Variants in MEIS2 observed in about 807,000 individuals in gnomAD.
MEIS2 encodes Meis homeobox 2.
A neutral mutation model predicts 58.6 loss-of-function variants in MEIS2; 9 were observed. That is an observed-to-expected ratio of 0.15 (90% CI 0.09 to 0.27). MEIS2 has a LOEUF of 0.27. MEIS2 is among the 10% of genes least tolerant of loss of function. The probability of loss-of-function intolerance (pLI) is 1.00; values close to 1 mark genes in which losing one functional copy is unlikely to be tolerated. For missense variants in MEIS2, 427 were observed against 635.0 expected (o/e 0.67, Z 3.52); for synonymous variants, 221 against 228.4 (o/e 0.97, Z 0.29).
chr15:36,904,638 C>T (rs1595688295), intron 9 of MEIS2, among the ~76,000 whole-genome samples: 1 of 129,054 alleles, frequency 7.7e-6, no homozygotes, highest in African/African-American at 2.6e-5. Context: ...ACATTTTCTT[C>T]TTTTTTTTTT....
At chr15:36,995,956 G>GATATATATATATATATATATATATATAT (rs539738718) in intron 8 of MEIS2, among the ~76,000 whole-genome samples, 1 of 112,960 alleles carries the variant, frequency 8.9e-6, no homozygotes, top group African/African-American at 3.3e-5. Flanking sequence ...TCTAGTCTGA[G>GATATATATATATATATATATATATATAT]ATATATATAT....
intron 7 of MEIS2, among the ~76,000 whole-genome samples, chr15:37,074,887 A>G (rs917564233): frequency 6.6e-6 from 1 of 152,182 alleles, no homozygotes; most frequent in Non-Finnish European, 1.5e-5. Flanking sequence ...ACAGTAACCC[A>G]TGTAGATGAA....
chr15:36,968,061 C>A (rs1245076520), intron 8 of MEIS2, among the ~76,000 whole-genome samples: 1 of 152,176 alleles, frequency 6.6e-6, no homozygotes, highest in Non-Finnish European at 1.5e-5. Context: ...GGACAGCCAG[C>A]CTCAGAGAAT....
chr15:36,897,564 CAG>C (rs372325878), intron 9 of MEIS2: 1 of 152,152 alleles, frequency 6.6e-6, no homozygotes, highest in African/African-American at 2.4e-5. Context: ...CATGTACAAA[CAG>C]AGTAAGATGA....
chr15:37,096,560 T>C (rs1894281235), intron 2 of MEIS2, 130 bp from the exon 3 acceptor site: 1 of 1,122,468 alleles, frequency 8.9e-7, no homozygotes, highest in Non-Finnish European at 1.2e-6. Context: ...CACCACACTT[T>C]ACAACCCTTC....
intron 8 of MEIS2, among the ~76,000 whole-genome samples, chr15:36,977,602 C>T (rs2059800332): frequency 1.3e-5 from 2 of 152,002 alleles, no homozygotes; most frequent in Admixed American, 1.3e-4. Context: ...AGCATAGTGC[C>T]CAACACACAG....
intron 10 of MEIS2, 123 bp downstream of exon 10, chr15:36,896,505 A>T: frequency 3.1e-5 from 9 of 292,998 alleles, no homozygotes; most frequent in South Asian, 1.6e-4. Context: ...TGGGGACATT[A>T]AAAAAAAAAA....
intron 8 of MEIS2, among the ~76,000 whole-genome samples, chr15:37,024,757 C>T (rs1373785102): frequency 1.3e-5 from 2 of 152,158 alleles, no homozygotes; most frequent in East Asian, 3.8e-4. Context: ...CCTATGAGAT[C>T]GCCATTTAGA....
chr15:37,073,495 A>G (rs927252430), intron 7 of MEIS2, among the ~76,000 whole-genome samples: 5 of 151,980 alleles, frequency 3.3e-5, no homozygotes, highest in Admixed American at 2.0e-4. Flanking sequence ...GCCTTGCTCA[A>G]TGAATATCTT....
chr15:37,075,681 A>G (rs1223014766), intron 7 of MEIS2, among the ~76,000 whole-genome samples: 1 of 152,070 alleles, frequency 6.6e-6, no homozygotes, highest in African/African-American at 2.4e-5. Context: ...GCAGGGAGAG[A>G]GAGAGAGACT....
At chr15:37,036,620 C>A (rs1383448619) in intron 8 of MEIS2, 194 bp downstream of exon 8, 2 of 492,216 alleles carry the variant, frequency 4.1e-6, no homozygotes, top group Non-Finnish European at 6.9e-6. Context: ...AAACAAAAAC[C>A]TGCTACTTTC....
At chr15:36,922,975 T>G (rs1350901172) in intron 9 of MEIS2, among the ~76,000 whole-genome samples, 1 of 152,162 alleles carries the variant, frequency 6.6e-6, no homozygotes, top group Non-Finnish European at 1.5e-5. Context: ...TCTCCTGCCA[T>G]GTAAGTCTTT....
At chr15:37,077,712 C>A (rs1479758915) in intron 7 of MEIS2, among the ~76,000 whole-genome samples, 1 of 151,888 alleles carries the variant, frequency 6.6e-6, no homozygotes, top group African/African-American at 2.4e-5. Context: ...AATTCTTATA[C>A]CGAGAGGGGA....
At chr15:37,004,978 A>G (rs2060865370) in intron 8 of MEIS2, among the ~76,000 whole-genome samples, 1 of 151,144 alleles carries the variant, frequency 6.6e-6, no homozygotes, top group Admixed American at 6.6e-5. Flanking sequence ...ATTATGATAT[A>G]CCAATTTTAA....
At chr15:36,999,822 T>C (rs1334333727) in intron 8 of MEIS2, among the ~76,000 whole-genome samples, 1 of 152,232 alleles carries the variant, frequency 6.6e-6, no homozygotes, top group African/African-American at 2.4e-5. Flanking sequence ...CACACTTTTA[T>C]TTATTTTAGT....
At chr15:37,025,566 A>G (rs904420113) in intron 8 of MEIS2, among the ~76,000 whole-genome samples, 1 of 152,076 alleles carries the variant, frequency 6.6e-6, no homozygotes, top group African/African-American at 2.4e-5. Context: ...AGACATTTCT[A>G]TTGTCTGCTC....
chr15:37,094,114 G>A (rs896775595), intron 5 of MEIS2: 24 of 258,932 alleles, frequency 9.3e-5, no homozygotes, highest in African/African-American at 4.4e-4. Flanking sequence ...TAGGGGTTTC[G>A]TATGTTTCCA....
At position 36,975,485 on chromosome 15, in the gene MEIS2, C is replaced by A. The variant is rs372425558; in HGVS notation, c.901-25085G>T. Among the ~76,000 whole-genome samples, 10 of 37,162 alleles carry A rather than the reference C, an allele frequency of 2.7e-4. 1 individual carries two copies. Among genetic ancestry groups the A allele is most frequent in the Middle Eastern group, 0.014 (1 of 72 alleles). 24.4% of individuals were successfully genotyped at this position (37,162 alleles called of 152,430 possible). A position where few individuals can be genotyped will look rare whatever the true frequency, so the allele number is the denominator to read the frequency against. ...AAAATAAGGGTTTTTTTTTTTTTTT[C>A]AGAGTTCCATGAATTTACTGAACGT... On this transcript the variant is annotated intron_variant, in intron 8 of 11. Transcript: ENST00000561208.
At chr15:37,009,158 G>C (rs894954010) in intron 8 of MEIS2, among the ~76,000 whole-genome samples, 4 of 152,092 alleles carry the variant, frequency 2.6e-5, no homozygotes, top group Non-Finnish European at 5.9e-5. Flanking sequence ...GCGTGGTGGC[G>C]GGCGCCTATA....
Sources: allele counts gnomAD v4.1 joint callset (sites outside exome capture counted in the v4.1 genomes callset), GRCh38; gene constraint gnomAD v4.1.1; transcripts MANE v1.5; gene names NCBI Gene and HGNC (gene_info 2026-07-23, HGNC 2026-07-21).